The following SOX6 variants were observed in gnomAD, a reference collection of about 807,000 sequenced individuals.
SOX6 encodes transcription factor SOX-6.
In SOX6, 11 loss-of-function variants were observed where a neutral mutation model predicts 97.8. That is an observed-to-expected ratio of 0.11 (90% CI 0.07 to 0.19). The LOEUF (loss-of-function observed/expected upper bound fraction) is 0.19, where lower values mean the gene tolerates loss of function less well. SOX6 is among the 10% of genes least tolerant of loss of function. The pLI, the probability that SOX6 is intolerant of heterozygous loss-of-function variation, is 1.00. For missense variants in SOX6, 810 were observed against 1,039.5 expected (o/e 0.78, Z 3.04); for synonymous variants, 360 against 371.4 (o/e 0.97, Z 0.35).
chr11:16,237,887 G>A (rs1268491755), intron 3 of SOX6, among the ~76,000 whole-genome samples: 1 of 151,808 alleles, frequency 6.6e-6, no homozygotes, highest in Non-Finnish European at 1.5e-5. Context: ...TGAAAAACAG[G>A]AGAGAAAATA....
In SOX6 at chr11:16,308,758, G is replaced by A. The variant is rs565055740; in HGVS notation, c.445+9688C>T. On this transcript the variant is annotated intron_variant, in intron 3 of 15. Coordinates refer to ENST00000683767, the MANE Select transcript of SOX6 (RefSeq NM_001367873.1). ...CTGTGCTGGAAACATCAATAAAGAGGATCAAAAGGGAAAAAAGTGTTTCCT... is the reference window on the plus strand; with the variant it reads ...CTGTGCTGGAAACATCAATAAAGAGAATCAAAAGGGAAAAAAGTGTTTCCT... Among the ~76,000 whole-genome samples, 24 of 152,210 alleles carry A rather than the reference G, an allele frequency of 1.6e-4. No homozygotes were observed. In the East Asian group the frequency reaches 4.4e-3, roughly 28 times the overall value.
chr11:15,979,021 G>A (rs1397018947), intron 15 of SOX6, among the ~76,000 whole-genome samples: 4 of 95,362 alleles, frequency 4.2e-5, no homozygotes, highest in East Asian at 5.9e-4. Flanking sequence ...ATATATAACT[G>A]CTTATTTTAT....
At chr11:16,471,632 T>C (rs1237458455) in intron 1 of SOX6, among the ~76,000 whole-genome samples, 1 of 152,212 alleles carries the variant, frequency 6.6e-6, no homozygotes, top group East Asian at 1.9e-4. Context: ...TTTCTATCGT[T>C]TTAGAAGCCT....
At chr11:16,132,488 G>GC in intron 6 of SOX6, among the ~76,000 whole-genome samples, 10 of 148,414 alleles carry the variant, frequency 6.7e-5, no homozygotes, top group African/African-American at 1.5e-4. Flanking sequence ...AAGAAAGAAA[G>GC]AAAGAAAGAA....
At chr11:16,573,909 G>T (rs1847959972) in intron 4 of SOX6, among the ~76,000 whole-genome samples, 1 of 152,008 alleles carries the variant, frequency 6.6e-6, no homozygotes, top group Non-Finnish European at 1.5e-5. Flanking sequence ...TGTTACTACT[G>T]CCTTGAACTG....
At chr11:16,057,463 T>C (rs112622035) in intron 9 of SOX6, among the ~76,000 whole-genome samples, 1,822 of 152,264 alleles carry the variant, frequency 0.012, 35 homozygotes, top group African/African-American at 0.042. Context: ...CCCAACGTAA[T>C]TGAATATATC....
intron 9 of SOX6, among the ~76,000 whole-genome samples, chr11:16,058,414 G>C (rs998258618): frequency 6.6e-6 from 1 of 152,016 alleles, no homozygotes; most frequent in African/African-American, 2.4e-5. Flanking sequence ...CTTTTCTAAA[G>C]TGTCTGGTAT....
chr11:16,500,262 T>A (rs558269391), intron 4 of SOX6, among the ~76,000 whole-genome samples: 41 of 152,168 alleles, frequency 2.7e-4, no homozygotes, highest in African/African-American at 9.9e-4. Flanking sequence ...ATTCAACAAC[T>A]CTTCATGCTA....
intron 4 of SOX6, among the ~76,000 whole-genome samples, chr11:16,224,111 C>A (rs1852619106): frequency 6.6e-6 from 1 of 151,944 alleles, no homozygotes; most frequent in African/African-American, 2.4e-5. Context: ...TAATTGGTGA[C>A]TATTTTCACA....
At chr11:16,335,918 T>C (rs890171065) in intron 2 of SOX6, among the ~76,000 whole-genome samples, 3 of 152,354 alleles carry the variant, frequency 2.0e-5, no homozygotes, top group Middle Eastern at 3.4e-3. Context: ...ATTATTTTCA[T>C]TCAATTACAA....
At chr11:16,714,246 G>A (rs1381009324) in intron 3 of SOX6, among the ~76,000 whole-genome samples, 12 of 151,096 alleles carry the variant, frequency 7.9e-5, no homozygotes. Context: ...CAGCATTGTT[G>A]TATGGAAAAA....
intron 4 of SOX6, among the ~76,000 whole-genome samples, chr11:16,190,014 A>T (rs1851587258): frequency 6.6e-6 from 1 of 152,206 alleles, no homozygotes; most frequent in African/African-American, 2.4e-5. Context: ...TCCTCTGCAT[A>T]GGCACAGAGA....
chr11:16,115,165 A>C (rs1849316597), intron 6 of SOX6, among the ~76,000 whole-genome samples: 1 of 152,198 alleles, frequency 6.6e-6, no homozygotes, highest in Non-Finnish European at 1.5e-5. Flanking sequence ...GACATTGTGA[A>C]AGCAAGAGTA....
chr11:16,435,543 G>A (rs1020459670), intron 1 of SOX6, among the ~76,000 whole-genome samples: 1 of 151,874 alleles, frequency 6.6e-6, no homozygotes, highest in Non-Finnish European at 1.5e-5. Context: ...CAGAAGCTAG[G>A]AAGAGGCAAA....
At chr11:16,032,037 C>A (rs1855390450) in intron 12 of SOX6, among the ~76,000 whole-genome samples, 1 of 152,066 alleles carries the variant, frequency 6.6e-6, no homozygotes, top group Non-Finnish European at 1.5e-5. Flanking sequence ...ATGCCAGACA[C>A]ATTCAAAAGG....
intron 1 of SOX6, among the ~76,000 whole-genome samples, chr11:16,474,454 G>C (rs901185566): frequency 6.6e-6 from 1 of 152,146 alleles, no homozygotes; most frequent in South Asian, 2.1e-4. Context: ...ATTACTCCTT[G>C]ATCCATGGCC....
At chr11:16,220,528 G>A (rs1852506060) in intron 4 of SOX6, among the ~76,000 whole-genome samples, 1 of 152,022 alleles carries the variant, frequency 6.6e-6, no homozygotes, top group Admixed American at 6.6e-5. Context: ...TGACATTTAT[G>A]ATTATACCAA....
chr11:16,344,817 T>A (rs990679173), intron 1 of SOX6, among the ~76,000 whole-genome samples: 5 of 151,994 alleles, frequency 3.3e-5, no homozygotes, highest in African/African-American at 1.2e-4. Flanking sequence ...ATTGTTTTTT[T>A]AATTTGTATT....
At chr11:16,627,726 A>AT (rs1848642612) in intron 3 of SOX6, among the ~76,000 whole-genome samples, 1 of 152,068 alleles carries the variant, frequency 6.6e-6, no homozygotes, top group African/African-American at 2.4e-5. Context: ...GTTTGCAAAT[A>AT]TTTTCTCCCA....
Sources: gnomAD v4.1 joint callset for allele counts (sites outside exome capture counted in the v4.1 genomes callset) on GRCh38, gnomAD v4.1.1 for gene constraint, MANE v1.5 for transcripts, NCBI Gene and HGNC (gene_info 2026-07-23, HGNC 2026-07-21) for gene names.